Variants in UBE2D2 observed in about 807,000 individuals in gnomAD.
UBE2D2 encodes ubiquitin conjugating enzyme E2 D2.
UBE2D2 carries 2 observed loss-of-function variants against 24.2 expected under a neutral mutation model. The ratio of observed to expected loss-of-function variants is 0.08; its 90% CI spans 0.03 to 0.26. The LOEUF is 0.26. UBE2D2 is among the 10% of genes least tolerant of loss of function. The pLI, the probability that UBE2D2 is intolerant of heterozygous loss-of-function variation, is 1.00. For missense variants in UBE2D2, 44 were observed against 177.6 expected, an observed-to-expected ratio of 0.25 and a Z score of 4.28; for synonymous variants, 58 against 56.5, an observed-to-expected ratio of 1.03 and a Z score of -0.12.
At chr5:139,587,244 A>G (rs141406163) in intron 1 of UBE2D2, among the ~76,000 whole-genome samples, 2,118 of 152,258 alleles carry the variant, frequency 0.014, 27 homozygotes, top group Middle Eastern at 0.054. Flanking sequence ...CCTTTAGCCC[A>G]ATCGGGAGTG....
intron 1 of UBE2D2, among the ~76,000 whole-genome samples, chr5:139,535,314 T>C (rs571326289): frequency 1.4e-5 from 2 of 145,152 alleles, no homozygotes; most frequent in Admixed American, 1.4e-4. Flanking sequence ...AAAAGAGACT[T>C]GCATGGTGGC....
chr5:139,609,846 A>G (rs1316291646), intron 2 of UBE2D2, among the ~76,000 whole-genome samples: 1 of 148,178 alleles, frequency 6.7e-6, no homozygotes, highest in Non-Finnish European at 1.5e-5. Context: ...ATCTCAGCTC[A>G]CTGCAACCTC....
At chr5:139,611,624 A>G (rs944425638) in intron 2 of UBE2D2, among the ~76,000 whole-genome samples, 2 of 152,226 alleles carry the variant, frequency 1.3e-5, no homozygotes, top group Non-Finnish European at 2.9e-5. Context: ...AATAATTTCC[A>G]TGTCTCTCTT....
intron 1 of UBE2D2, among the ~76,000 whole-genome samples, chr5:139,549,825 G>C (rs1752885410): frequency 1.3e-5 from 2 of 152,262 alleles, no homozygotes; most frequent in Admixed American, 1.3e-4. Flanking sequence ...TGGGGACTTG[G>C]AGAACTTTTA....
At chr5:139,549,636 G>A (rs1163579170) in intron 1 of UBE2D2, among the ~76,000 whole-genome samples, 2 of 152,338 alleles carry the variant, frequency 1.3e-5, no homozygotes, top group African/African-American at 2.4e-5. Context: ...CCCCTACACC[G>A]TGAGCTCGCG....
At chr5:139,579,724 C>G (rs1753553963) in intron 1 of UBE2D2, among the ~76,000 whole-genome samples, 1 of 152,072 alleles carries the variant, frequency 6.6e-6, no homozygotes, top group Non-Finnish European at 1.5e-5. Context: ...AGTCAGGTCC[C>G]TATTTGTTAC....
intron 2 of UBE2D2, among the ~76,000 whole-genome samples, chr5:139,610,819 C>G (rs2126697635): frequency 6.6e-6 from 1 of 152,058 alleles, no homozygotes; most frequent in South Asian, 2.1e-4. Context: ...GCCCTTTACT[C>G]CAGTCTGGGT....
intron 1 of UBE2D2, among the ~76,000 whole-genome samples, chr5:139,538,913 TA>T (rs1232121253): frequency 9.3e-5 from 14 of 150,316 alleles, no homozygotes; most frequent in Admixed American, 6.6e-4. Flanking sequence ...ATTACTACAA[TA>T]AAAAAATGTT....
intron 1 of UBE2D2, among the ~76,000 whole-genome samples, chr5:139,583,362 T>G (rs1215897195): frequency 2.0e-5 from 3 of 152,220 alleles, no homozygotes; most frequent in Non-Finnish European, 4.4e-5. Flanking sequence ...AGTAAATAAG[T>G]ATGTGAGGTA....
intron 2 of UBE2D2, among the ~76,000 whole-genome samples, chr5:139,610,418 G>C (rs1305370273): frequency 6.6e-6 from 1 of 152,056 alleles, no homozygotes; most frequent in African/African-American, 2.4e-5. Flanking sequence ...GTGTGTGCCT[G>C]TAATCCCAGC....
chr5:139,589,218 C>T (rs765494806), intron 1 of UBE2D2, among the ~76,000 whole-genome samples: 3 of 151,684 alleles, frequency 2.0e-5, no homozygotes, highest in African/African-American at 7.3e-5. Flanking sequence ...ATGATCAGGC[C>T]ACTGCATTCC....
chr5:139,549,070 G>A (rs553759584), intron 1 of UBE2D2, among the ~76,000 whole-genome samples: 4 of 152,124 alleles, frequency 2.6e-5, no homozygotes, highest in African/African-American at 7.2e-5. Context: ...GGCAGGTTTC[G>A]AACTCCTGAC....
intron 1 of UBE2D2, among the ~76,000 whole-genome samples, chr5:139,545,281 C>T (rs557657317): frequency 7.2e-5 from 11 of 151,736 alleles, no homozygotes; most frequent in Admixed American, 3.9e-4. Context: ...TTGCACAGGC[C>T]GGACTTGAAT....
At chr5:139,550,693 C>G (rs141516314) in intron 1 of UBE2D2, among the ~76,000 whole-genome samples, 1 of 151,914 alleles carries the variant, frequency 6.6e-6, no homozygotes, top group African/African-American at 2.4e-5. Context: ...CTGAGGCCAC[C>G]GAGACCATGA....
intron 5 of UBE2D2, among the ~76,000 whole-genome samples, chr5:139,617,369 G>A (rs986191063): frequency 2.2e-5 from 3 of 134,998 alleles, no homozygotes; most frequent in Middle Eastern, 3.6e-3. Flanking sequence ...TGTGGTGTGT[G>A]ATTTTTTTTT....
intron 1 of UBE2D2, among the ~76,000 whole-genome samples, chr5:139,549,062 C>G (rs1752871618): frequency 6.6e-6 from 1 of 152,038 alleles, no homozygotes; most frequent in South Asian, 2.1e-4. Flanking sequence ...GTTGGTCAGG[C>G]AGGTTTCGAA....
At chr5:139,607,774 A>G (rs887201972) in intron 2 of UBE2D2, among the ~76,000 whole-genome samples, 1 of 152,214 alleles carries the variant, frequency 6.6e-6, no homozygotes, top group Non-Finnish European at 1.5e-5. Context: ...TGGTAGGCCA[A>G]TGCAGAAGGA....
At chr5:139,537,139 T>C (rs978452311) in intron 1 of UBE2D2, among the ~76,000 whole-genome samples, 13 of 148,970 alleles carry the variant, frequency 8.7e-5, no homozygotes, top group South Asian at 4.2e-4. Flanking sequence ...GCTGAGATCA[T>C]GCCACTGCAC....
At chr5:139,549,444 C>T (rs1490805748) in intron 1 of UBE2D2, among the ~76,000 whole-genome samples, 24 of 152,210 alleles carry the variant, frequency 1.6e-4, no homozygotes, top group African/African-American at 3.6e-4. Flanking sequence ...TCCGAGCGGC[C>T]GGCTGGCGCC....
Sources: gnomAD v4.1 joint callset for allele counts (sites outside exome capture counted in the v4.1 genomes callset) on GRCh38, gnomAD v4.1.1 for gene constraint, MANE v1.5 for transcripts, NCBI Gene and HGNC (gene_info 2026-07-23, HGNC 2026-07-21) for gene names.